Variants in ALS2CL observed in about 807,000 individuals in gnomAD.
ALS2CL encodes the protein ALS2 C-terminal-like protein.
In ALS2CL, 112 loss-of-function variants were observed where a neutral mutation model predicts 127.9. The ratio of observed to expected loss-of-function variants is 0.88; its 90% CI spans 0.75 to 1.02. The LOEUF is 1.02. Ranked by LOEUF, ALS2CL falls within the 50% of genes least tolerant of loss-of-function variation. The pLI is 0.00. For missense variants in ALS2CL, 1,174 were observed against 1,236.7 expected (o/e 0.95, Z 0.76); for synonymous variants, 519 against 527.6 (o/e 0.98, Z 0.22).
intron 13 of ALS2CL, 37 bp from the exon 14 acceptor site, chr3:46,680,578 C>T: frequency 6.3e-7 from 1 of 1,592,564 alleles, no homozygotes; most frequent in Non-Finnish European, 8.6e-7. Context: ...TTGGATCAGA[C>T]TCATTCCCAT....
At position 46,674,731 on chromosome 3, in the gene ALS2CL, T is replaced by C. The variant is rs1698673656; in HGVS notation, c.2264A>G (p.Gln755Arg). ...GAGGGGCAGCACCAATCCATGCACCTGGAGGTCCCTGATGGGGAGACCGGA... is the reference window on the plus strand; with the variant it reads ...GAGGGGCAGCACCAATCCATGCACCCGGAGGTCCCTGATGGGGAGACCGGA... ...EDEDTETRDL[Q>R]VHGLVLPLML... Residue 755 changes from glutamine (Q) to arginine (R), a missense_variant, in exon 21 of 26, where the codon CAG becomes CGG. Transcript: ENST00000318962. 2 of 1,609,792 alleles carry C rather than the reference T, an allele frequency of 1.2e-6. No homozygotes were observed. The highest frequency in any genetic ancestry group is 4.5e-5 in the East Asian group (2 of 44,778).
At chr3:46,676,054 G>A in intron 19 of ALS2CL, 191 bp downstream of exon 19, 2 of 1,368,908 alleles carry the variant, frequency 1.5e-6, no homozygotes, top group African/African-American at 2.9e-5. Flanking sequence ...GCTGAGGGCT[G>A]CAGCTGGGCC....
At chr3:46,678,966 G>A (rs1699101800) in intron 15 of ALS2CL, among the ~76,000 whole-genome samples, 1 of 152,060 alleles carries the variant, frequency 6.6e-6, no homozygotes, top group African/African-American at 2.4e-5. Flanking sequence ...GGTATGGAGG[G>A]ACACAGCCAG....
At chr3:46,693,318 G>C (rs1700275840) in intron 1 of ALS2CL, among the ~76,000 whole-genome samples, 1 of 152,234 alleles carries the variant, frequency 6.6e-6, no homozygotes, top group Non-Finnish European at 1.5e-5. Context: ...ATCCCGGGTC[G>C]GGCCCTTCCG....
chr3:46,673,094 G>A (rs573260922), intron 22 of ALS2CL, among the ~76,000 whole-genome samples: 1 of 152,304 alleles, frequency 6.6e-6, no homozygotes, highest in East Asian at 1.9e-4. Flanking sequence ...CTGAGGCACG[G>A]TGCACGAGCC....
rs1374191316 is a variant in ALS2CL, at chr3:46,670,972, G to A, written c.*12C>T. ...CCTGCTCAGCTCTTCAGTCTGTCCA[G>A]GAAAGGCCAGGCTACCAGAGCTCCC... On this transcript the variant is annotated 3_prime_UTR_variant, in exon 26 of 26. Transcript: ENST00000318962. This position sits in a 1 kb window ranked among gnomAD's most constrained non-coding sequence, Gnocchi z 5.5. 6.2e-7 allele frequency: 1 copy of A among 1,612,062 alleles called. No individual in the cohort carries two copies. Among genetic ancestry groups the A allele is most frequent in the Non-Finnish European group, 8.5e-7 (1 of 1,178,222 alleles).
Position 46,676,703 on chromosome 3 carries a change from T to C in ALS2CL, c.1967A>G (p.Asp656Gly). 1 of 1,613,536 alleles carries C rather than the reference T, an allele frequency of 6.2e-7. No homozygotes were observed. The highest frequency in any genetic ancestry group is 8.5e-7 in the Non-Finnish European group (1 of 1,179,938). The change falls in exon 18 of 26, where the codon GAC (aspartate) becomes GGC (glycine). Residue 656 changes from aspartate (D) to glycine (G), a missense_variant. Asp to Gly is a moderately conservative substitution (Grantham distance 94). Transcript: ENST00000318962. ...HPEDSVGSME[D>G]ILEELLQHRE... is the part of the protein sequence containing the mutation. ...GTGCTGCAGCAGCTCCTCCAGGATG[T>C]CTTCCATACTGCCCACACTGTCCTC...
chr3:46,680,618 G>A, intron 13 of ALS2CL, 77 bp from the exon 14 acceptor site: 3 of 1,338,032 alleles, frequency 2.2e-6, no homozygotes, highest in East Asian at 2.3e-5. Context: ...CTGGCACGGG[G>A]CGGCAGGGAG....
chr3:46,688,333 C>T (rs775585941), intron 2 of ALS2CL, 37 bp from the exon 3 acceptor site: 38 of 1,591,600 alleles, frequency 2.4e-5, no homozygotes, highest in South Asian at 1.0e-4. Flanking sequence ...GAGTAGAGGA[C>T]GTGGGCTCCA....
intron 9 of ALS2CL, 85 bp from the exon 10 acceptor site, chr3:46,683,411 C>A (rs1699515203): frequency 7.8e-7 from 1 of 1,275,774 alleles, no homozygotes; most frequent in Non-Finnish European, 1.1e-6. Context: ...GCTCCAGGTA[C>A]CACCCCCTCC....
In ALS2CL at chr3:46,676,319, C is replaced by T; in HGVS notation, c.2112G>A (p.Gly704=). The change falls in exon 19 of 26, where the codon GGG becomes GGA. Residue 704 remains glycine, a synonymous_variant. Coordinates refer to ENST00000318962, the MANE Select transcript of ALS2CL (RefSeq NM_147129.5). ...LTFQATYAGV[G]ANKHLQELAQ... is the part of the protein sequence containing the mutation. ...CCAGCTCCTGCAGGTGCTTGTTGGCCCCGACACCTGCGTAGGTAGCCTGGA... is the reference window on the plus strand; with the variant it reads ...CCAGCTCCTGCAGGTGCTTGTTGGCTCCGACACCTGCGTAGGTAGCCTGGA... The T allele has an allele frequency of 6.2e-7, 1 of 1,613,830 alleles. No homozygotes were observed. The highest frequency in any genetic ancestry group is 8.5e-7 in the Non-Finnish European group (1 of 1,179,960).
chr3:46,683,340 G>A lies in ALS2CL; in HGVS notation c.913-14C>T, dbSNP rs755850612. The A allele has an allele frequency of 2.5e-6, 4 of 1,569,108 alleles. No homozygotes were observed. In the South Asian group the frequency reaches 3.5e-5, roughly 14 times the overall value. On this transcript the variant is annotated splice_polypyrimidine_tract_variant and intron_variant, in intron 9 of 25. Coordinates refer to ENST00000318962, the MANE Select transcript of ALS2CL (RefSeq NM_147129.5). The stretch of plus-strand genomic sequence containing the variant: ...CTGCCAGACTGCCTGGTGGGAGGGG[G>A]AACATGGGGAAGGGGATCACTGCTG...
At chr3:46,689,084 C>G (rs189944565) in intron 2 of ALS2CL, among the ~76,000 whole-genome samples, 3 of 152,248 alleles carry the variant, frequency 2.0e-5, no homozygotes, top group Admixed American at 2.0e-4. Context: ...TGAAAATTAG[C>G]CAGGCGTGGT....
chr3:46,672,553 C>A (rs1479726934), intron 22 of ALS2CL, among the ~76,000 whole-genome samples: 4 of 152,234 alleles, frequency 2.6e-5, no homozygotes, highest in Non-Finnish European at 5.9e-5. Context: ...CCCGGGCCCA[C>A]TCCCTGCATT....
chr3:46,692,250 C>T (rs1443705186), intron 1 of ALS2CL, among the ~76,000 whole-genome samples: 1 of 152,072 alleles, frequency 6.6e-6, no homozygotes, highest in Non-Finnish European at 1.5e-5. Context: ...AGTGTAAGTG[C>T]AGGGGTGAGG....
chr3:46,693,055 G>A (rs1280540836), intron 1 of ALS2CL, among the ~76,000 whole-genome samples: 2 of 152,166 alleles, frequency 1.3e-5, no homozygotes, highest in African/African-American at 4.8e-5. Flanking sequence ...CAGGGAGGGG[G>A]CGCTGAACTG....
chr3:46,688,320 T>A (rs1345900568), intron 2 of ALS2CL, 24 bp from the exon 3 acceptor site: 2 of 1,607,592 alleles, frequency 1.2e-6, no homozygotes, highest in Non-Finnish European at 1.7e-6. Flanking sequence ...ACAGTCACAC[T>A]GTGAGTAGAG....
intron 7 of ALS2CL, among the ~76,000 whole-genome samples, chr3:46,685,026 C>T (rs761400478): frequency 8.5e-5 from 13 of 152,276 alleles, no homozygotes; most frequent in South Asian, 4.1e-4. Flanking sequence ...AATTCCCAGC[C>T]TCAGGCCTGG....
In ALS2CL at chr3:46,687,165, C is replaced by T; in HGVS notation, c.369-17G>A. ...CAGTACTCGCTGCGTGTAGAGAGGG[C>T]CACGCACCACCTTCACCCCTTCCTC... On this transcript the variant is annotated splice_polypyrimidine_tract_variant and intron_variant, in intron 4 of 25. Coordinates refer to ENST00000318962, the MANE Select transcript of ALS2CL (RefSeq NM_147129.5). The T allele has an allele frequency of 6.5e-7, 1 of 1,530,650 alleles. No individual in the cohort carries two copies. Among genetic ancestry groups the T allele is most frequent in the Middle Eastern group, 2.2e-4 (1 of 4,514 alleles). 94.8% of individuals were successfully genotyped at this position (1,530,650 alleles called of 1,614,324 possible).
Sources: gnomAD v4.1 joint callset for allele counts (sites outside exome capture counted in the v4.1 genomes callset) on GRCh38, gnomAD v4.1.1 for gene constraint, Gnocchi (gnomAD v3.1) non-coding constraint, MANE v1.5 for transcripts, NCBI Gene and HGNC (gene_info 2026-07-23, HGNC 2026-07-21) for gene names.